The following OTUD7B variants were observed in gnomAD, a reference collection of about 807,000 sequenced individuals.
OTUD7B encodes OTU domain-containing protein 7B.
Under a neutral mutation model 82.2 loss-of-function variants are expected in OTUD7B, and 34 were observed. The observed-to-expected ratio is 0.41, with a 90% CI of 0.31 to 0.55. OTUD7B has a LOEUF of 0.55. OTUD7B is among the 20% of genes least tolerant of loss of function. The probability of loss-of-function intolerance (pLI) is 0.20; values close to 1 mark genes in which losing one functional copy is unlikely to be tolerated. For synonymous variants in OTUD7B, 398 were observed against 402.7 expected (o/e 0.99, Z 0.14); for missense variants, 944 against 1,062.1 (o/e 0.89, Z 1.55).
At chr1:150,061,818 G>T in the OTUD7B span, among the ~76,000 whole-genome samples, 1 of 152,184 alleles carries the variant, frequency 6.6e-6, no homozygotes, top group African/African-American at 2.4e-5. Context: ...CTTTATGTAA[G>T]AACTTCTATT....
At chr1:150,027,727 T>TA in the OTUD7B span, among the ~76,000 whole-genome samples, 2,335 of 145,754 alleles carry the variant, frequency 0.016, 37 homozygotes, top group African/African-American at 0.043. Flanking sequence ...GGATAACTGC[T>TA]AAAAAAAAAA....
intron 2 of OTUD7B, among the ~76,000 whole-genome samples, chr1:149,975,781 T>C (rs1474560271): frequency 1.3e-5 from 2 of 152,034 alleles, no homozygotes; most frequent in Non-Finnish European, 2.9e-5. Flanking sequence ...GCCAGCACTT[T>C]GGGAGGCTGA....
intron 1 of OTUD7B, among the ~76,000 whole-genome samples, chr1:150,004,063 C>T (rs1316860872): frequency 6.6e-6 from 1 of 152,138 alleles, no homozygotes; most frequent in Non-Finnish European, 1.5e-5. Flanking sequence ...CCTTCTTCAT[C>T]TCCCACATCC....
intron 7 of OTUD7B, among the ~76,000 whole-genome samples, chr1:149,957,528 C>G (rs1393478817): frequency 6.6e-6 from 1 of 152,216 alleles, no homozygotes; most frequent in Non-Finnish European, 1.5e-5. Context: ...AGATCTCAAA[C>G]CGCGTGCTGG....
Position 149,944,099 on chromosome 1 carries a change from A to T in OTUD7B, c.2290T>A (p.Leu764Met). 6.2e-7 allele frequency: 1 copy of T among 1,614,050 alleles called. No homozygotes were observed. Among genetic ancestry groups the T allele is most frequent in the Non-Finnish European group, 8.5e-7 (1 of 1,179,966 alleles). The change falls in exon 12 of 12, where the codon TTG becomes ATG. Residue 764 changes from leucine (L) to methionine (M), a missense_variant. Around this residue, in one of 3 missense-constraint regions of OTUD7B, gnomAD observed 412 missense variants for 418.7 expected, o/e 0.98. Coordinates refer to ENST00000581312, the MANE Select transcript of OTUD7B (RefSeq NM_020205.4). ...GCCACTCGGTAGGGGGGTGGTAACA[A>T]GGCACCCCTGTGAAGTCCATCCTTA... The part of the protein sequence containing the change: ...HSKDGLHRGA[L>M]LPPPYRVADS...
chr1:150,030,678 T>TCCC, the OTUD7B span, among the ~76,000 whole-genome samples: 1 of 152,206 alleles, frequency 6.6e-6, no homozygotes, highest in African/African-American at 2.4e-5. Flanking sequence ...CTCTCCTCTC[T>TCCC]ACTTCCTCAA....
Position 149,967,282 on chromosome 1 carries a change from G to C in OTUD7B, c.502+12C>G. 1 of 1,581,594 alleles carries C rather than the reference G, an allele frequency of 6.3e-7. No individual in the cohort carries two copies. On this transcript the variant is annotated intron_variant, in intron 4 of 11. Transcript: ENST00000581312. ...TAGAGGGAAGAGTGTGGGAGAGGAAGCACTCACTGACCTGCCTGTTCCAAG... is the reference window on the plus strand; with the variant it reads ...TAGAGGGAAGAGTGTGGGAGAGGAACCACTCACTGACCTGCCTGTTCCAAG...
At chr1:149,945,176 G>C in intron 11 of OTUD7B, 111 bp from the exon 12 acceptor site, 1 of 1,419,558 alleles carries the variant, frequency 7.0e-7, no homozygotes, top group East Asian at 2.4e-5. Flanking sequence ...TGCAGCCATG[G>C]CTATAGAAAT....
At chr1:149,971,656 G>C (rs997174890) in intron 2 of OTUD7B, among the ~76,000 whole-genome samples, 5 of 152,136 alleles carry the variant, frequency 3.3e-5, no homozygotes, top group African/African-American at 1.2e-4. Context: ...GAGGTTCTTA[G>C]CCTACATGTA....
chr1:149,950,975 G>GTT, intron 7 of OTUD7B, among the ~76,000 whole-genome samples: 1 of 12,250 alleles, frequency 8.2e-5, no homozygotes, highest in South Asian at 2.8e-3. Flanking sequence ...TGTACTTTTT[G>GTT]TATTTTTTTT....
rs782213642 is a variant in OTUD7B at position 149,944,086 on chromosome 1, G to C, written c.2303C>G (p.Pro768Arg). The change falls in exon 12 of 12, where the codon CCC becomes CGC. Residue 768 changes from proline to arginine, a missense_variant. Around this residue, in one of 3 missense-constraint regions of OTUD7B, gnomAD observed 412 missense variants for 418.7 expected, o/e 0.98. Transcript: ENST00000581312. ...GCTATAGGAATCAGCCACTCGGTAG[G>C]GGGGTGGTAACAAGGCACCCCTGTG... ...GLHRGALLPP[P>R]YRVADSYSNG... 7 of 1,613,996 alleles carry C rather than the reference G, an allele frequency of 4.3e-6. No homozygotes were observed. The South Asian group carries it at 5.5e-5, about 13-fold the overall frequency.
intron 1 of OTUD7B, among the ~76,000 whole-genome samples, chr1:150,000,380 C>T (rs1652197335): frequency 6.6e-6 from 1 of 151,896 alleles, no homozygotes; most frequent in Non-Finnish European, 1.5e-5. Flanking sequence ...GAGGCTGAGG[C>T]AGGACAATCA....
rs1285277634 is a variant in OTUD7B, at chr1:149,974,642, C to A, written c.85+2784G>T. On this transcript the variant is annotated intron_variant, in intron 2 of 11. Coordinates refer to ENST00000581312, the MANE Select transcript of OTUD7B (RefSeq NM_020205.4). ...TCGACTCACCGCAGTCTCTGCCTCC[C>A]GGGTTTAAGAGATTCTCCTGCCTCA... 1.6e-4 allele frequency among the ~76,000 whole-genome samples: 24 copies of A among 150,242 alleles called. 1 individual carries two copies. Among genetic ancestry groups the A allele is most frequent in the African/African-American group, 5.6e-4 (23 of 40,790 alleles).
intron 1 of OTUD7B, among the ~76,000 whole-genome samples, chr1:150,001,611 A>T (rs1351303279): frequency 3.9e-5 from 6 of 152,200 alleles, no homozygotes; most frequent in Non-Finnish European, 8.8e-5. Flanking sequence ...AGGAATTCAG[A>T]TAAGTACTCA....
At chr1:149,972,729 T>C (rs1487244517) in intron 2 of OTUD7B, among the ~76,000 whole-genome samples, 1 of 152,218 alleles carries the variant, frequency 6.6e-6, no homozygotes, top group Non-Finnish European at 1.5e-5. Context: ...CAGTAGTCAC[T>C]CAATAAATAT....
chr1:149,963,309 A>C (rs587655085), intron 6 of OTUD7B: 1 of 152,338 alleles, frequency 6.6e-6, no homozygotes, highest in Non-Finnish European at 1.5e-5. Context: ...AGATATAAAC[A>C]TAGCACAGAA....
chr1:149,971,038 G>A (rs376430610), intron 3 of OTUD7B, 25 bp downstream of exon 3: 4 of 1,527,254 alleles, frequency 2.6e-6, no homozygotes, highest in African/African-American at 1.4e-5. Flanking sequence ...CTCCATATAC[G>A]GAAACATTCC....
At position 149,971,075 on chromosome 1, in the gene OTUD7B, C is replaced by T; in HGVS notation, c.262G>A (p.Asp88Asn). ...PPRPILQRQDDIVQEKRLSRG... is the reference protein window; with the variant it reads ...PPRPILQRQDNIVQEKRLSRG... ...GTCACCCCAGTACCTTGAACGATGT[C>T]ATCCTGCCGCTGGAGGATGGGTCGG... Residue 88 changes from aspartate to asparagine, a missense_variant, in exon 3 of 12, where the codon GAC becomes AAC. Coordinates refer to ENST00000581312, the MANE Select transcript of OTUD7B (RefSeq NM_020205.4). 1 of 1,607,044 alleles carries T rather than the reference C, an allele frequency of 6.2e-7. No homozygotes were observed.
rs1650414521 is a variant in OTUD7B, at chr1:149,977,596, A to G, written c.-66-20T>C. On this transcript the variant is annotated intron_variant, in intron 1 of 11. Coordinates refer to ENST00000581312, the MANE Select transcript of OTUD7B (RefSeq NM_020205.4). ...CTCCACCTGAGGAATAAATAAATAC[A>G]TAAGGCTCAAATTACACTGGAACAG... is the stretch of plus-strand genomic sequence containing the variant. 5 of 921,026 alleles carry G rather than the reference A, an allele frequency of 5.4e-6. No homozygotes were observed. Among genetic ancestry groups the G allele is most frequent in the Non-Finnish European group, 5.4e-6 (3 of 556,664 alleles). The allele number at this position is 921,026 out of a possible 1,614,324, so 57.1% of individuals were successfully genotyped here.
Sources: gnomAD v4.1 joint callset for allele counts (sites outside exome capture counted in the v4.1 genomes callset) on GRCh38, gnomAD v4.1.1 for gene constraint, gnomAD v4.1.1 regional missense constraint, MANE v1.5 for transcripts, NCBI Gene and HGNC (gene_info 2026-07-23, HGNC 2026-07-21) for gene names.